DLG2: variants seen among roughly 807,000 people sequenced by gnomAD.
DLG2 encodes the protein disks large homolog 2.
A neutral mutation model predicts 132.5 loss-of-function variants in DLG2; 45 were observed. That is an observed-to-expected ratio of 0.34 (90% CI 0.27 to 0.44). The LOEUF (loss-of-function observed/expected upper bound fraction) is 0.44, where lower values mean the gene tolerates loss of function less well. Among genes scored for constraint, DLG2 ranks in the 20% least tolerant of loss-of-function variants. The pLI is 1.00. For synonymous variants in DLG2, 424 were observed against 419.6 expected (o/e 1.01, Z -0.13); for missense variants, 1,045 against 1,196.9 (o/e 0.87, Z 1.87).
intron 6 of DLG2, among the ~76,000 whole-genome samples, chr11:84,725,630 T>C (rs548097545): frequency 7.9e-4 from 120 of 152,208 alleles, no homozygotes; most frequent in Admixed American, 3.3e-3. Context: ...TATATACAAT[T>C]AAGAACGAAC....
chr11:84,481,417 T>C (rs1328937787), intron 7 of DLG2, among the ~76,000 whole-genome samples: 3 of 152,196 alleles, frequency 2.0e-5, no homozygotes, highest in Non-Finnish European at 4.4e-5. Flanking sequence ...TAAATGTTGC[T>C]ATTTCCTCTC....
intron 17 of DLG2, among the ~76,000 whole-genome samples, chr11:83,800,431 A>G (rs1359600379): frequency 1.3e-5 from 2 of 152,234 alleles, no homozygotes; most frequent in Admixed American, 6.5e-5. Flanking sequence ...TGAGTGAACT[A>G]TAAATTGTAT....
chr11:84,868,042 C>T (rs149208308), intron 6 of DLG2, among the ~76,000 whole-genome samples: 1 of 150,970 alleles, frequency 6.6e-6, no homozygotes, highest in African/African-American at 2.4e-5. Flanking sequence ...CCACTGCACT[C>T]CAGCCTGGGC....
chr11:84,044,573 AT>A (rs905568241), intron 11 of DLG2, among the ~76,000 whole-genome samples: 20 of 151,650 alleles, frequency 1.3e-4, no homozygotes, highest in African/African-American at 4.8e-4. Context: ...CAAGTGTGTC[AT>A]TTTTCTTGTA....
At chr11:84,636,842 C>T (rs1295789776) in intron 6 of DLG2, among the ~76,000 whole-genome samples, 5 of 151,238 alleles carry the variant, frequency 3.3e-5, no homozygotes, top group Non-Finnish European at 7.4e-5. Flanking sequence ...AGTGCAGTGG[C>T]ACGATTTTGG....
intron 18 of DLG2, among the ~76,000 whole-genome samples, chr11:83,784,789 T>C (rs1197531775): frequency 1.3e-5 from 2 of 152,236 alleles, no homozygotes; most frequent in Non-Finnish European, 2.9e-5. Context: ...ACTTGATCAC[T>C]ATCGAGAGCT....
intron 3 of DLG2, among the ~76,000 whole-genome samples, chr11:85,505,468 T>C (rs1026841568): frequency 1.6e-4 from 24 of 152,206 alleles, no homozygotes; most frequent in African/African-American, 3.4e-4. Context: ...TCTGCATTTA[T>C]TGAGAAAATT....
intron 6 of DLG2, among the ~76,000 whole-genome samples, chr11:84,953,616 G>A (rs1035824210): frequency 1.3e-5 from 2 of 152,068 alleles, no homozygotes; most frequent in African/African-American, 4.8e-5. Context: ...CTAATTTGCA[G>A]GGTAGTTGCA....
chr11:84,559,081 G>T (rs1244900182), intron 6 of DLG2, among the ~76,000 whole-genome samples: 2 of 152,100 alleles, frequency 1.3e-5, no homozygotes, highest in Non-Finnish European at 2.9e-5. Flanking sequence ...CAGCTCAATG[G>T]ATGTTGAGTA....
intron 7 of DLG2, among the ~76,000 whole-genome samples, chr11:84,410,731 C>A (rs540478430): frequency 2.2e-3 from 335 of 151,956 alleles, no homozygotes; most frequent in Non-Finnish European, 3.6e-3. Context: ...AGGTGCCCAC[C>A]ACCATGCCCG....
chr11:85,361,872 A>C (rs893324020), intron 3 of DLG2, among the ~76,000 whole-genome samples: 1 of 152,174 alleles, frequency 6.6e-6, no homozygotes, highest in South Asian at 2.1e-4. Flanking sequence ...GATTGTGTTG[A>C]ATCTGTAGAT....
At chr11:83,586,818 C>T (rs2097094239) in intron 19 of DLG2, among the ~76,000 whole-genome samples, 1 of 152,212 alleles carries the variant, frequency 6.6e-6, no homozygotes, top group Non-Finnish European at 1.5e-5. Flanking sequence ...GGGAACCTAG[C>T]ACCAAAGCTG....
At chr11:84,608,042 C>T (rs1189419048) in intron 6 of DLG2, among the ~76,000 whole-genome samples, 3 of 152,136 alleles carry the variant, frequency 2.0e-5, no homozygotes, top group African/African-American at 7.2e-5. Flanking sequence ...TTGAGAAAAG[C>T]AACCTCTAAC....
At chr11:85,193,955 T>C (rs1357962033) in intron 4 of DLG2, among the ~76,000 whole-genome samples, 1 of 152,216 alleles carries the variant, frequency 6.6e-6, no homozygotes, top group African/African-American at 2.4e-5. Flanking sequence ...CAGGCACCCA[T>C]GTGAATGTGA....
intron 16 of DLG2, among the ~76,000 whole-genome samples, chr11:83,861,473 C>T (rs1288673662): frequency 6.6e-6 from 1 of 152,102 alleles, no homozygotes; most frequent in African/African-American, 2.4e-5. Context: ...GATTTGGAAG[C>T]AACCTCAGTG....
chr11:83,599,743 G>T (rs1565992978), intron 19 of DLG2, among the ~76,000 whole-genome samples: 1 of 152,180 alleles, frequency 6.6e-6, no homozygotes, highest in Non-Finnish European at 1.5e-5. Context: ...TCACTGGTTA[G>T]TATCTTTTTG....
At chr11:84,191,031 G>A (rs140172938) in intron 8 of DLG2, among the ~76,000 whole-genome samples, 1,730 of 152,192 alleles carry the variant, frequency 0.011, 34 homozygotes, top group African/African-American at 0.036. Flanking sequence ...CAAAAAAATG[G>A]GTAAGAAGTT....
intron 6 of DLG2, among the ~76,000 whole-genome samples, chr11:84,894,590 A>G (rs766607600): frequency 3.3e-5 from 5 of 152,182 alleles, no homozygotes; most frequent in Non-Finnish European, 7.3e-5. Context: ...GTTCCAGTGA[A>G]GACAAGAATT....
chr11:85,496,650 G>A (rs1018859839), intron 3 of DLG2, among the ~76,000 whole-genome samples: 7 of 152,246 alleles, frequency 4.6e-5, no homozygotes, highest in African/African-American at 1.4e-4. Flanking sequence ...TAGCCTGACT[G>A]GGAGACACCT....
Sources: gnomAD v4.1 joint callset for allele counts (sites outside exome capture counted in the v4.1 genomes callset) on GRCh38, gnomAD v4.1.1 for gene constraint, MANE v1.5 for transcripts, NCBI Gene and HGNC (gene_info 2026-07-23, HGNC 2026-07-21) for gene names.